Variants in ANK3 observed in about 807,000 individuals in gnomAD.
ANK3 encodes the protein ankyrin-3.
Under a neutral mutation model 370.9 loss-of-function variants are expected in ANK3, and 57 were observed. That is an observed-to-expected ratio of 0.15 (90% CI 0.12 to 0.19). The LOEUF is 0.19. Among genes scored for constraint, ANK3 ranks in the 10% least tolerant of loss-of-function variants. ANK3 has a pLI of 1.00. For missense variants in ANK3, 4,439 were observed against 5,302.1 expected (o/e 0.84, Z 5.06); for synonymous variants, 1,929 against 1,946.3 (o/e 0.99, Z 0.23).
intron 1 of ANK3, among the ~76,000 whole-genome samples, chr10:60,718,765 A>G (rs2079823622): frequency 6.6e-6 from 1 of 152,146 alleles, no homozygotes; most frequent in Non-Finnish European, 1.5e-5. Context: ...AGAGAAACCA[A>G]GCCATTTTAG....
chr10:60,080,196 A>T (rs1243163842), intron 36 of ANK3, among the ~76,000 whole-genome samples: 1 of 152,096 alleles, frequency 6.6e-6, no homozygotes, highest in African/African-American at 2.4e-5. Flanking sequence ...TATTTGAGTA[A>T]TTTTTTTCAT....
intron 2 of ANK3, among the ~76,000 whole-genome samples, chr10:60,406,376 A>G (rs551176197): frequency 6.6e-6 from 1 of 152,266 alleles, no homozygotes; most frequent in African/African-American, 2.4e-5. Context: ...ATAAATGACA[A>G]TTTTCCCACG....
chr10:60,326,289 AT>A (rs149698337), intron 1 of ANK3, among the ~76,000 whole-genome samples: 4,620 of 152,278 alleles, frequency 0.03, 228 homozygotes, highest in African/African-American at 0.1. Flanking sequence ...AGTTAAAAAA[AT>A]AATAATAAAA....
chr10:60,638,333 C>A (rs948333046), intron 1 of ANK3, among the ~76,000 whole-genome samples: 13 of 152,044 alleles, frequency 8.6e-5, no homozygotes, highest in African/African-American at 3.1e-4. Flanking sequence ...GCTAAATTAG[C>A]CTGAGAACAA....
At chr10:60,481,004 G>A (rs142000395) in intron 2 of ANK3, among the ~76,000 whole-genome samples, 45 of 152,230 alleles carry the variant, frequency 3.0e-4, no homozygotes, top group South Asian at 1.0e-3. Flanking sequence ...AGATGATTCC[G>A]CTGGACTTCC....
chr10:60,176,690 T>TA (rs1337684386), intron 18 of ANK3, among the ~76,000 whole-genome samples: 1 of 151,550 alleles, frequency 6.6e-6, no homozygotes, highest in African/African-American at 2.4e-5. Context: ...ATCCGGGAGG[T>TA]AGAGGTTGCA....
At chr10:60,268,959 T>G (rs1566118538) in intron 5 of ANK3, among the ~76,000 whole-genome samples, 1 of 152,220 alleles carries the variant, frequency 6.6e-6, no homozygotes, top group Non-Finnish European at 1.5e-5. Flanking sequence ...CTTAATTTAT[T>G]TAGTGGTTTC....
chr10:60,405,198 CAT>C (rs1045883765), intron 2 of ANK3, among the ~76,000 whole-genome samples: 33 of 152,098 alleles, frequency 2.2e-4, no homozygotes, highest in African/African-American at 7.7e-4. Context: ...AGACAGAAAA[CAT>C]ATGCCCAAAA....
rs775210756 is a variant in ANK3 at position 60,073,781 on chromosome 10, C to T, written c.7100G>A (p.Arg2367Gln). Reference sequence around the variant, plus strand: ...AAAATCTTTTAGGTTAATATCTCCCCGGGATAAGTCTTTCTGATATACATA... The same window carrying T: ...AAAATCTTTTAGGTTAATATCTCCCTGGGATAAGTCTTTCTGATATACATA... ...EMYVYQKDLS[R>Q]GDINLKDFLP... The change falls in exon 37 of 44, where the codon CGG becomes CAG. Residue 2367 changes from arginine (R) to glutamine (Q), a missense_variant. This residue lies in a region of ANK3 where 1,601 missense variants were observed against 1,731.7 expected (regional missense o/e 0.92). Coordinates refer to ENST00000280772, the MANE Select transcript of ANK3 (RefSeq NM_020987.5). 48 of 1,613,442 alleles carry T rather than the reference C, an allele frequency of 3.0e-5. No homozygotes were observed. The highest frequency in any genetic ancestry group is 5.0e-5 in the Admixed American group (3 of 59,940).
chr10:60,155,369 A>G (rs2095299064), intron 23 of ANK3, among the ~76,000 whole-genome samples: 1 of 152,132 alleles, frequency 6.6e-6, no homozygotes, highest in African/African-American at 2.4e-5. Flanking sequence ...CCACGGAAGG[A>G]GCATTTAGGA....
chr10:60,352,684 C>T (rs2057074391), intron 1 of ANK3, among the ~76,000 whole-genome samples: 1 of 152,166 alleles, frequency 6.6e-6, no homozygotes, highest in African/African-American at 2.4e-5. Context: ...ACATGTTTCT[C>T]CTCTCCTTAC....
intron 2 of ANK3, among the ~76,000 whole-genome samples, chr10:60,597,976 C>T (rs2078011031): frequency 6.6e-6 from 1 of 152,092 alleles, no homozygotes; most frequent in South Asian, 2.1e-4. Context: ...AGCTCTAATA[C>T]TTTCGGTAAG....
At chr10:60,279,468 G>T in intron 2 of ANK3, 70 bp downstream of exon 2, 1 of 1,201,414 alleles carries the variant, frequency 8.3e-7, no homozygotes, top group Non-Finnish European at 1.2e-6. Context: ...AATAAATGAA[G>T]TCTTTAAGGA....
In ANK3 at chr10:60,431,606, G is replaced by A. The variant is rs968438214; in HGVS notation, c.97-151967C>T. Among the ~76,000 whole-genome samples the A allele has an allele frequency of 7.9e-5, 12 of 151,994 alleles. 1 individual carries two copies. Among genetic ancestry groups the A allele is most frequent in the Non-Finnish European group, 1.5e-4 (10 of 68,004 alleles). ...AGTGGGAGTTGGACAATGAGAACAC[G>A]AGGACACAGGGAGGGGAACATCACA... On this transcript the variant is annotated intron_variant, in intron 2 of 43. Coordinates refer to the ANK3 transcript ENST00000373827.
At chr10:60,152,257 G>C (rs1028200433) in intron 23 of ANK3, among the ~76,000 whole-genome samples, 3 of 152,142 alleles carry the variant, frequency 2.0e-5, no homozygotes, top group African/African-American at 7.2e-5. Flanking sequence ...GCCAAACCCA[G>C]CCTCTTGCCT....
chr10:60,583,501 G>T (rs1595316581), intron 2 of ANK3, among the ~76,000 whole-genome samples: 1 of 149,316 alleles, frequency 6.7e-6, no homozygotes, highest in Non-Finnish European at 1.5e-5. Flanking sequence ...AGCTTACAGA[G>T]AGGTTTTTTG....
intron 17 of ANK3, among the ~76,000 whole-genome samples, chr10:60,181,967 T>G (rs2096203563): frequency 6.6e-6 from 1 of 152,158 alleles, no homozygotes; most frequent in Non-Finnish European, 1.5e-5. Context: ...TTCCTATATG[T>G]GTTTCACCTA....
intron 1 of ANK3, among the ~76,000 whole-genome samples, chr10:60,705,894 C>T (rs2079609964): frequency 7.1e-6 from 1 of 140,536 alleles, no homozygotes; most frequent in Non-Finnish European, 1.5e-5. Context: ...GCGATCATGG[C>T]TCACTGCACC....
intron 1 of ANK3, among the ~76,000 whole-genome samples, chr10:60,348,025 C>T (rs1233312375): frequency 1.3e-5 from 2 of 152,042 alleles, no homozygotes; most frequent in Non-Finnish European, 2.9e-5. Flanking sequence ...CCATGCTTTG[C>T]TTTGTTTGCT....
Sources: allele counts gnomAD v4.1 joint callset (sites outside exome capture counted in the v4.1 genomes callset), GRCh38; gene constraint gnomAD v4.1.1; regional missense constraint gnomAD v4.1.1; transcripts MANE v1.5; gene names NCBI Gene and HGNC (gene_info 2026-07-23, HGNC 2026-07-21).